Variants in HECTD2 observed in about 807,000 individuals in gnomAD.
The protein encoded by HECTD2 is probable E3 ubiquitin-protein ligase HECTD2.
A neutral mutation model predicts 103.2 loss-of-function variants in HECTD2; 35 were observed. The observed-to-expected ratio is 0.34, with a 90% CI of 0.26 to 0.45. The LOEUF (loss-of-function observed/expected upper bound fraction) is 0.45. Ranked by LOEUF, HECTD2 falls within the 20% of genes least tolerant of loss-of-function variation. The pLI, the probability that HECTD2 is intolerant of heterozygous loss-of-function variation, is 1.00. For missense variants in HECTD2, 596 were observed against 937.4 expected, an observed-to-expected ratio of 0.64 and a Z score of 4.76; for synonymous variants, 281 against 329.9, an observed-to-expected ratio of 0.85 and a Z score of 1.61.
At chr10:91,411,040 G>T (rs1256178879) in intron 1 of HECTD2, among the ~76,000 whole-genome samples, 1 of 152,128 alleles carries the variant, frequency 6.6e-6, no homozygotes, top group Non-Finnish European at 1.5e-5. Context: ...CAGGCTCTGC[G>T]GCGAGTTTCC....
rs1157213042 is a variant in HECTD2, at chr10:91,485,220, T to C, written c.1011T>C (p.Tyr337=). 1 of 1,576,814 alleles carries C rather than the reference T, an allele frequency of 6.3e-7. No homozygotes were observed. The highest frequency in any genetic ancestry group is 8.7e-7 in the Non-Finnish European group (1 of 1,154,162). Residue 337 remains tyrosine (Y), a synonymous_variant, in exon 10 of 21, where the codon TAT becomes TAC. Coordinates refer to ENST00000298068, the MANE Select transcript of HECTD2 (RefSeq NM_182765.6). The part of the protein sequence containing the change: ...NNLVHPPLIP[Y]TDFYNSTLDH... ...TAGTTCACCCTCCCCTTATTCCTTA[T>C]ACTGATTTCTATAATTCTACATTGG...
At chr10:91,484,326 T>C (rs1233065340) in intron 8 of HECTD2, 181 bp from the exon 9 acceptor site, 8 of 1,344,544 alleles carry the variant, frequency 5.9e-6, no homozygotes, top group Middle Eastern at 1.8e-4. Context: ...ATTTCTCATT[T>C]AACGAAGACA....
At chr10:91,491,905 A>C (rs1394373495) in intron 12 of HECTD2, among the ~76,000 whole-genome samples, 1 of 152,044 alleles carries the variant, frequency 6.6e-6, no homozygotes, top group African/African-American at 2.4e-5. Context: ...GGTACAATCA[A>C]AGCTCACTGC....
intron 2 of HECTD2, among the ~76,000 whole-genome samples, chr10:91,435,751 G>A (rs893562102): frequency 6.6e-5 from 10 of 151,872 alleles, no homozygotes; most frequent in Non-Finnish European, 1.2e-4. Context: ...CTATATACTC[G>A]GTCTAGCAGC....
At position 91,481,099 on chromosome 10, in the gene HECTD2, G is replaced by A. The variant is rs767914150; in HGVS notation, c.671G>A (p.Arg224Gln). 1.0e-5 allele frequency: 15 copies of A among 1,500,650 alleles called. No individual in the cohort carries two copies. The highest frequency in any genetic ancestry group is 3.4e-4 in the Middle Eastern group (2 of 5,814). The allele number at this position is 1,500,650 out of a possible 1,614,324, so 93.0% of individuals were successfully genotyped here. Residue 224 changes from arginine (R) to glutamine (Q), a missense_variant, in exon 7 of 21, where the codon CGA (arginine) becomes CAA (glutamine). Coordinates refer to ENST00000298068, the MANE Select transcript of HECTD2 (RefSeq NM_182765.6). Reference protein sequence around the residue: ...NSLLREWKGPRTKDDLRAYFI... With the variant: ...NSLLREWKGPQTKDDLRAYFI... Reference sequence around the variant, plus strand: ...TATTCTTGTTTCTTTTTCAGTCCACGAACAAAAGATGATCTTAGAGCATAT... The same window carrying A: ...TATTCTTGTTTCTTTTTCAGTCCACAAACAAAAGATGATCTTAGAGCATAT...
At chr10:91,425,975 T>C (rs1843542971) in intron 2 of HECTD2, among the ~76,000 whole-genome samples, 1 of 152,018 alleles carries the variant, frequency 6.6e-6, no homozygotes, top group Admixed American at 6.6e-5. Flanking sequence ...AACTAAATTA[T>C]GTTAATCTAT....
At position 91,410,426 on chromosome 10, in the gene HECTD2, C is replaced by A; in HGVS notation, c.-13C>A. The A allele has an allele frequency of 7.2e-7, 1 of 1,381,842 alleles. No homozygotes were observed. The allele number at this position is 1,381,842 out of a possible 1,614,324, so 85.6% of individuals were successfully genotyped here. ...CGCCGCCGCCGCCTGGCGCTCCCGC[C>A]GCCCGGCCCGACATGAGTGAGGCGG... On this transcript the variant is annotated 5_prime_UTR_variant, in exon 1 of 21. Transcript: ENST00000298068.
intron 1 of HECTD2, among the ~76,000 whole-genome samples, chr10:91,417,519 C>T (rs545549088): frequency 5.3e-5 from 8 of 152,184 alleles, no homozygotes; most frequent in South Asian, 4.2e-4. Context: ...TATCCCTCCC[C>T]GCCCCCCCAC....
At chr10:91,417,557 T>C (rs1843179311) in intron 1 of HECTD2, among the ~76,000 whole-genome samples, 1 of 152,002 alleles carries the variant, frequency 6.6e-6, no homozygotes. Context: ...GATGTTCCCT[T>C]TCCTGTGTCC....
chr10:91,451,141 A>C (rs1257858444), intron 2 of HECTD2, among the ~76,000 whole-genome samples: 5 of 152,198 alleles, frequency 3.3e-5, no homozygotes, highest in African/African-American at 1.2e-4. Context: ...TCAATGATAG[A>C]CTGGATAAAG....
At chr10:91,429,302 G>A (rs1843727381) in intron 2 of HECTD2, among the ~76,000 whole-genome samples, 1 of 152,030 alleles carries the variant, frequency 6.6e-6, no homozygotes, top group South Asian at 2.1e-4. Flanking sequence ...GAGGATTTTT[G>A]CATCAATGTT....
intron 2 of HECTD2, among the ~76,000 whole-genome samples, chr10:91,432,694 G>T (rs1843939747): frequency 6.6e-6 from 1 of 151,874 alleles, no homozygotes. Flanking sequence ...TCCAGCCTAG[G>T]TAGTTCAGAA....
At chr10:91,504,707 G>A (rs11639341) in intron 20 of HECTD2, among the ~76,000 whole-genome samples, 18,345 of 150,476 alleles carry the variant, frequency 0.12, 2,187 homozygotes, top group African/African-American at 0.35. Flanking sequence ...CACTCTGCAG[G>A]ATATTATCCA....
intron 20 of HECTD2, among the ~76,000 whole-genome samples, chr10:91,505,696 C>A (rs1310533787): frequency 2.6e-5 from 4 of 151,330 alleles, no homozygotes; most frequent in Non-Finnish European, 4.4e-5. Flanking sequence ...ACCCCACTGT[C>A]AACATTAGAC....
At chr10:91,450,843 G>A (rs1844785967) in intron 2 of HECTD2, among the ~76,000 whole-genome samples, 1 of 152,084 alleles carries the variant, frequency 6.6e-6, no homozygotes, top group Admixed American at 6.6e-5. Context: ...AGTTAGAATG[G>A]TGATCAGTAA....
chr10:91,435,559 T>TTCCA (rs1363406786), intron 2 of HECTD2, among the ~76,000 whole-genome samples: 3 of 152,026 alleles, frequency 2.0e-5, no homozygotes, highest in African/African-American at 7.2e-5. Flanking sequence ...GGCCACTCAG[T>TTCCA]TCCAGTCTGT....
At chr10:91,464,425 A>G (rs1393556291) in intron 5 of HECTD2, among the ~76,000 whole-genome samples, 1 of 152,226 alleles carries the variant, frequency 6.6e-6, no homozygotes, top group Non-Finnish European at 1.5e-5. Flanking sequence ...TTTCACTGGA[A>G]CATGACAGTA....
intron 11 of HECTD2, among the ~76,000 whole-genome samples, chr10:91,490,620 G>A (rs968584843): frequency 1.3e-5 from 2 of 151,898 alleles, no homozygotes; most frequent in African/African-American, 4.8e-5. Flanking sequence ...GGCCGGGCGC[G>A]GTGGCTCACG....
intron 1 of HECTD2, among the ~76,000 whole-genome samples, chr10:91,416,467 T>C (rs933578029): frequency 6.6e-6 from 1 of 152,204 alleles, no homozygotes; most frequent in African/African-American, 2.4e-5. Context: ...TACAGTTGTC[T>C]ACAGTATTCA....
Sources: gnomAD v4.1 joint callset for allele counts (sites outside exome capture counted in the v4.1 genomes callset) on GRCh38, gnomAD v4.1.1 for gene constraint, MANE v1.5 for transcripts, NCBI Gene and HGNC (gene_info 2026-07-23, HGNC 2026-07-21) for gene names.